Variants in ARHGAP39 observed in about 807,000 individuals in gnomAD.
The protein encoded by ARHGAP39 is rho GTPase-activating protein 39.
Under a neutral mutation model 106.9 loss-of-function variants are expected in ARHGAP39, and 44 were observed. The ratio of observed to expected loss-of-function variants is 0.41; its 90% confidence interval spans 0.32 to 0.53. The LOEUF (loss-of-function observed/expected upper bound fraction) is 0.53, where lower values mean the gene tolerates loss of function less well. ARHGAP39 is among the 20% of genes least tolerant of loss of function. The pLI is 0.21. For missense variants in ARHGAP39, 1,496 were observed against 1,577.3 expected (o/e 0.95, Z 0.87); for synonymous variants, 768 against 693.2 (o/e 1.11, Z -1.69).
At chr8:144,551,064 ATC>A (rs1290332025) in intron 4 of ARHGAP39, among the ~76,000 whole-genome samples, 1 of 152,220 alleles carries the variant, frequency 6.6e-6, no homozygotes, top group African/African-American at 2.4e-5. Flanking sequence ...AGTTTTGCAT[ATC>A]TGTGACTCTT....
intron 1 of ARHGAP39, among the ~76,000 whole-genome samples, chr8:144,640,766 C>T (rs972926423): frequency 3.3e-5 from 5 of 152,254 alleles, no homozygotes; most frequent in South Asian, 4.1e-4. Flanking sequence ...AAAACGAAGC[C>T]GAGTTTTCGA....
chr8:144,617,680 A>T (rs2130962707), intron 1 of ARHGAP39, among the ~76,000 whole-genome samples: 1 of 151,554 alleles, frequency 6.6e-6, no homozygotes, highest in African/African-American at 2.4e-5. Flanking sequence ...TTGTTCTTTT[A>T]ATCATGGAAT....
At chr8:144,590,379 G>A (rs1206546129) in intron 2 of ARHGAP39, among the ~76,000 whole-genome samples, 2 of 152,190 alleles carry the variant, frequency 1.3e-5, no homozygotes, top group Admixed American at 6.5e-5. Context: ...TGCCTGGGTC[G>A]GGGCAGACCC....
the ARHGAP39 span, among the ~76,000 whole-genome samples, chr8:144,691,867 G>C: frequency 1.3e-5 from 2 of 151,912 alleles, no homozygotes; most frequent in South Asian, 2.1e-4. Flanking sequence ...GCGGGGTGGC[G>C]GGGAGGGGAC....
chr8:144,548,556 C>A lies in ARHGAP39; in HGVS notation c.597-67G>T. 3 of 1,544,534 alleles carry A rather than the reference C, an allele frequency of 1.9e-6. No individual in the cohort carries two copies. Among genetic ancestry groups the A allele is most frequent in the Non-Finnish European group, 2.6e-6 (3 of 1,149,194 alleles). ...TGCTTCTGGGCACGCCCCACCCCCT[C>A]GGGGGCTGTAGGCAGCGGCTCCCGC... On this transcript the variant is annotated intron_variant, in intron 4 of 11. Coordinates refer to ENST00000377307, the MANE Select transcript of ARHGAP39 (RefSeq NM_025251.3). The surrounding 1 kb of genome is among the most constrained non-coding windows in gnomAD (Gnocchi z 7.4).
intron 1 of ARHGAP39, among the ~76,000 whole-genome samples, chr8:144,622,620 T>C (rs1820834724): frequency 6.6e-6 from 1 of 152,212 alleles, no homozygotes; most frequent in Admixed American, 6.5e-5. Flanking sequence ...GACACTTGCG[T>C]TCTGTCAGAG....
intron 3 of ARHGAP39, among the ~76,000 whole-genome samples, chr8:144,573,264 A>G (rs1419411063): frequency 6.6e-6 from 1 of 152,226 alleles, no homozygotes; most frequent in Non-Finnish European, 1.5e-5. Context: ...ACACCATGGA[A>G]TACTATGCAG....
At chr8:144,607,473 C>T (rs1820335872) in intron 1 of ARHGAP39, among the ~76,000 whole-genome samples, 1 of 152,214 alleles carries the variant, frequency 6.6e-6, no homozygotes, top group African/African-American at 2.4e-5. Flanking sequence ...TGTGCCGCTA[C>T]ACTCCAACAG....
intron 1 of ARHGAP39, among the ~76,000 whole-genome samples, chr8:144,648,656 G>A (rs1342069712): frequency 2.0e-5 from 3 of 152,238 alleles, no homozygotes; most frequent in East Asian, 1.9e-4. Flanking sequence ...CTGTAGAGAC[G>A]AGGCAAATGC....
At chr8:144,595,480 A>C (rs1156889464) in intron 2 of ARHGAP39, among the ~76,000 whole-genome samples, 1 of 152,162 alleles carries the variant, frequency 6.6e-6, no homozygotes, top group Non-Finnish European at 1.5e-5. Context: ...GCAGCTGCAC[A>C]ACTCTGACTG....
At chr8:144,573,242 T>A (rs1818647079) in intron 3 of ARHGAP39, among the ~76,000 whole-genome samples, 1 of 152,122 alleles carries the variant, frequency 6.6e-6, no homozygotes, top group East Asian at 1.9e-4. Context: ...ATTAAGAAAA[T>A]GTGGCACATA....
chr8:144,656,832 A>AAAAAT (rs1821710607), intron 1 of ARHGAP39, among the ~76,000 whole-genome samples: 3 of 150,610 alleles, frequency 2.0e-5, no homozygotes, highest in South Asian at 2.1e-4. Context: ...AAAAAAAAAA[A>AAAAAT]GTGAGTCTAA....
chr8:144,693,663 G>A, the ARHGAP39 span, among the ~76,000 whole-genome samples: 1 of 152,214 alleles, frequency 6.6e-6, no homozygotes, highest in South Asian at 2.1e-4. Context: ...GTGAGCCACC[G>A]CGCCCAGCCG....
In ARHGAP39 at chr8:144,537,720, C is replaced by T. The variant is rs1192561340; in HGVS notation, c.2614+1G>A. 1.4e-5 allele frequency: 22 copies of T among 1,613,760 alleles called. No individual in the cohort carries two copies. Among genetic ancestry groups the T allele is most frequent in the Non-Finnish European group, 1.9e-5 (22 of 1,179,806 alleles). On this transcript the variant is annotated splice_donor_variant, in intron 7 of 11. Transcript: ENST00000377307. LOFTEE classifies it high-confidence loss of function. ...CCAGGGGCTGCGGGGAGAGGCCCTACCATCCGGCTCTTCAACATAAGGCTT... is the reference window on the plus strand; with the variant it reads ...CCAGGGGCTGCGGGGAGAGGCCCTATCATCCGGCTCTTCAACATAAGGCTT...
chr8:144,686,476 T>C (rs937790923), upstream of ARHGAP39, among the ~76,000 whole-genome samples: 4 of 152,274 alleles, frequency 2.6e-5, no homozygotes, highest in Admixed American at 1.3e-4. Flanking sequence ...AAACGGAGGC[T>C]AAACAGCCTG....
At chr8:144,598,120 AG>A (rs1819693277) in intron 2 of ARHGAP39, among the ~76,000 whole-genome samples, 1 of 152,202 alleles carries the variant, frequency 6.6e-6, no homozygotes, top group Admixed American at 6.5e-5. Flanking sequence ...GGAAGTCCAG[AG>A]GGCGCCCGGC....
In ARHGAP39 at chr8:144,534,206, G is replaced by A. The variant is rs1331904672; in HGVS notation, c.2615-4C>T. On this transcript the variant is annotated splice_region_variant and splice_polypyrimidine_tract_variant and intron_variant, in intron 7 of 11. Coordinates refer to ENST00000377307, the MANE Select transcript of ARHGAP39 (RefSeq NM_025251.3). ...GCATACGTGCTTATCGCCACCCCTG[G>A]AAAGGAAAGGGGCCTGATCAGCCTG... 1 of 1,613,506 alleles carries A rather than the reference G, an allele frequency of 6.2e-7. No individual in the cohort carries two copies. The highest frequency in any genetic ancestry group is 8.5e-7 in the Non-Finnish European group (1 of 1,179,822).
chr8:144,594,018 G>A (rs1819503908), intron 2 of ARHGAP39, among the ~76,000 whole-genome samples: 2 of 150,966 alleles, frequency 1.3e-5, no homozygotes, highest in Admixed American at 6.6e-5. Flanking sequence ...GAACCCGGGA[G>A]GCAGAGGTTG....
chr8:144,647,404 C>T lies in ARHGAP39; in HGVS notation c.-82+38282G>A, dbSNP rs1169672875. On this transcript the variant is annotated intron_variant, in intron 1 of 11. Coordinates refer to ENST00000377307, the MANE Select transcript of ARHGAP39 (RefSeq NM_025251.3). The surrounding 1 kb of genome is among the most constrained non-coding windows in gnomAD (Gnocchi z 4.8). The stretch of plus-strand genomic sequence containing the variant: ...GTTCTCACCCTCACTGTGCAGAGTC[C>T]CTGAGACTTCCCCACAGGCACCATG... Among the ~76,000 whole-genome samples the T allele has an allele frequency of 6.6e-6, 1 of 152,142 alleles. No individual in the cohort carries two copies. The highest frequency in any genetic ancestry group is 2.4e-5 in the African/African-American group (1 of 41,428).
Sources: allele counts gnomAD v4.1 joint callset (sites outside exome capture counted in the v4.1 genomes callset), GRCh38; gene constraint gnomAD v4.1.1; non-coding constraint Gnocchi (gnomAD v3.1); transcripts MANE v1.5; gene names NCBI Gene and HGNC (gene_info 2026-07-23, HGNC 2026-07-21).